The following PXDNL variants were observed in gnomAD, a reference collection of about 807,000 sequenced individuals.
PXDNL encodes peroxidasin like, also known as probable oxidoreductase PXDNL.
PXDNL carries 145 observed loss-of-function variants against 150.8 expected under a neutral mutation model. The ratio of observed to expected loss-of-function variants is 0.96; its 90% CI spans 0.84 to 1.10. The LOEUF (loss-of-function observed/expected upper bound fraction) is 1.10. PXDNL is among the 50% of genes least tolerant of loss of function. The pLI is 0.00. For missense variants in PXDNL, 2,087 were observed against 1,873.9 expected, an observed-to-expected ratio of 1.11 and a Z score of -2.10; for synonymous variants, 757 against 725.7, an observed-to-expected ratio of 1.04 and a Z score of -0.69.
At chr8:51,485,777 C>T (rs1810717950) in intron 5 of PXDNL, among the ~76,000 whole-genome samples, 1 of 152,152 alleles carries the variant, frequency 6.6e-6, no homozygotes. Context: ...CATGGTCCCC[C>T]TTGAATAACA....
chr8:51,743,129 G>T lies in PXDNL; in HGVS notation c.164+66052C>A, dbSNP rs192251001. ...TGCCATCTCATTAAATGAAACAAAA[G>T]AATTGCCTTTAAAAGTACACTACCT... On this transcript the variant is annotated intron_variant, in intron 1 of 22. Transcript: ENST00000356297. Among the ~76,000 whole-genome samples the T allele has an allele frequency of 3.9e-3, 586 of 151,340 alleles. 3 individuals carry two copies. Among genetic ancestry groups the T allele is most frequent in the African/African-American group, 0.011 (455 of 40,662 alleles).
At chr8:51,388,392 T>C (rs182015762) in intron 17 of PXDNL, among the ~76,000 whole-genome samples, 51 of 152,336 alleles carry the variant, frequency 3.3e-4, no homozygotes, top group African/African-American at 1.2e-3. Flanking sequence ...CTTTCGCTTT[T>C]CTATTTATTC....
chr8:51,712,018 TC>T (rs890211718), intron 1 of PXDNL, among the ~76,000 whole-genome samples: 1 of 152,072 alleles, frequency 6.6e-6, no homozygotes, highest in African/African-American at 2.4e-5. Flanking sequence ...CAAATCCATC[TC>T]CCTGATTGAC....
chr8:51,490,498 C>G (rs1810864212), intron 5 of PXDNL, among the ~76,000 whole-genome samples: 1 of 151,516 alleles, frequency 6.6e-6, no homozygotes, highest in Non-Finnish European at 1.5e-5. Flanking sequence ...AGTTTCAAAA[C>G]TTTAAATAAA....
At chr8:51,530,725 G>A (rs938157971) in intron 4 of PXDNL, among the ~76,000 whole-genome samples, 8 of 152,096 alleles carry the variant, frequency 5.3e-5, no homozygotes, top group East Asian at 3.9e-4. Flanking sequence ...AGGCTCCTTC[G>A]CTCCCTCCAG....
rs117494676 is a variant in PXDNL, at chr8:51,372,168, A to G, written c.3693-87T>C. 1.5e-3 allele frequency: 1,310 copies of G among 883,264 alleles called. 2 individuals carry two copies. Among genetic ancestry groups the G allele is most frequent in the Non-Finnish European group, 2.1e-3 (1,172 of 564,836 alleles). 54.7% of individuals were successfully genotyped at this position (883,264 alleles called of 1,614,324 possible). On this transcript the variant is annotated intron_variant, in intron 18 of 22. Coordinates refer to ENST00000356297, the MANE Select transcript of PXDNL (RefSeq NM_144651.5). Reference sequence around the variant, plus strand: ...GTCAAACAGCCACAATGCACCAAGAAGAGCTCAACATAAAAGACGCATACT... The same window carrying G: ...GTCAAACAGCCACAATGCACCAAGAGGAGCTCAACATAAAAGACGCATACT...
At chr8:51,605,283 G>A (rs1813816136) in intron 2 of PXDNL, among the ~76,000 whole-genome samples, 1 of 152,086 alleles carries the variant, frequency 6.6e-6, no homozygotes, top group Non-Finnish European at 1.5e-5. Flanking sequence ...ATTTGATAAA[G>A]TAATTTTAAA....
chr8:51,320,132 A>G (rs1167906644), intron 22 of PXDNL, 110 bp from the exon 23 acceptor site: 3 of 969,566 alleles, frequency 3.1e-6, no homozygotes, highest in African/African-American at 1.7e-5. Flanking sequence ...CTGTCTCAAT[A>G]TAATAAAAAA....
At chr8:51,711,605 A>C (rs1816500420) in intron 1 of PXDNL, among the ~76,000 whole-genome samples, 1 of 152,236 alleles carries the variant, frequency 6.6e-6, no homozygotes, top group South Asian at 2.1e-4. Context: ...CCAGAGAGCT[A>C]TGAGTTCTAA....
chr8:51,655,601 C>G (rs115873999), intron 1 of PXDNL, among the ~76,000 whole-genome samples: 3 of 152,102 alleles, frequency 2.0e-5, no homozygotes, highest in Non-Finnish European at 4.4e-5. Context: ...ATGGTAAAGA[C>G]GTCAAGCAGG....
At chr8:51,588,153 A>C (rs1813367362) in intron 3 of PXDNL, among the ~76,000 whole-genome samples, 1 of 152,172 alleles carries the variant, frequency 6.6e-6, no homozygotes, top group Non-Finnish European at 1.5e-5. Flanking sequence ...TAGAAAGGCA[A>C]TGCTTACCAT....
intron 1 of PXDNL, among the ~76,000 whole-genome samples, chr8:51,657,798 A>T (rs73574256): frequency 6.6e-6 from 1 of 152,204 alleles, no homozygotes; most frequent in Non-Finnish European, 1.5e-5. Context: ...ATTTAAACTT[A>T]TCACTGGATT....
At chr8:51,464,520 G>C (rs556241318) in intron 8 of PXDNL, among the ~76,000 whole-genome samples, 4 of 152,206 alleles carry the variant, frequency 2.6e-5, no homozygotes, top group Non-Finnish European at 5.9e-5. Flanking sequence ...AGCACAATCA[G>C]AAATGACAAA....
At chr8:51,697,173 G>A (rs189903566) in intron 1 of PXDNL, among the ~76,000 whole-genome samples, 5 of 151,950 alleles carry the variant, frequency 3.3e-5, no homozygotes, top group Admixed American at 6.6e-5. Context: ...GCGTGGTGGC[G>A]GGCGCCTGTA....
intron 2 of PXDNL, among the ~76,000 whole-genome samples, chr8:51,649,083 T>A (rs1814981572): frequency 6.6e-6 from 1 of 152,354 alleles, no homozygotes; most frequent in Middle Eastern, 3.4e-3. Context: ...CATTTCATCA[T>A]TAATTTTTAA....
intron 19 of PXDNL, among the ~76,000 whole-genome samples, chr8:51,347,194 T>TG (rs1251156051): frequency 6.6e-6 from 1 of 152,168 alleles, no homozygotes; most frequent in African/African-American, 2.4e-5. Context: ...ACTTTTGTTC[T>TG]GGGCAGCTAG....
chr8:51,627,992 A>T (rs1476265106), intron 2 of PXDNL, among the ~76,000 whole-genome samples: 2 of 152,180 alleles, frequency 1.3e-5, no homozygotes, highest in Non-Finnish European at 2.9e-5. Context: ...AAAGCCAAAA[A>T]ACAACTCAGG....
chr8:51,433,210 A>AATAATAATAATT (rs1809300307), intron 12 of PXDNL, among the ~76,000 whole-genome samples: 1 of 24,084 alleles, frequency 4.2e-5, no homozygotes, highest in Non-Finnish European at 7.6e-5. Context: ...CTCTATCTCA[A>AATAATAATAATT]ATAATAATAA....
chr8:51,364,898 A>G (rs2130763757), intron 19 of PXDNL, among the ~76,000 whole-genome samples: 1 of 152,320 alleles, frequency 6.6e-6, no homozygotes. Context: ...CTTATAGCAG[A>G]TAATACTGTA....
Sources: allele counts gnomAD v4.1 joint callset (sites outside exome capture counted in the v4.1 genomes callset), GRCh38; gene constraint gnomAD v4.1.1; transcripts MANE v1.5; gene names NCBI Gene and HGNC (gene_info 2026-07-23, HGNC 2026-07-21).